The following ARFIP1 variants were observed in gnomAD, a reference collection of about 807,000 sequenced individuals.
The protein encoded by ARFIP1 is ARF interacting protein 1, also known as arfaptin-1.
In ARFIP1, 24 loss-of-function variants were observed where a neutral mutation model predicts 42.5. That is an observed-to-expected ratio of 0.57 (90% CI 0.41 to 0.80). The LOEUF (loss-of-function observed/expected upper bound fraction) is 0.80, where lower values mean the gene tolerates loss of function less well. Among genes scored for constraint, ARFIP1 ranks in the 30% least tolerant of loss-of-function variants. ARFIP1 has a pLI of 0.00. For missense variants in ARFIP1, 354 were observed against 434.0 expected (o/e 0.82, Z 1.64); for synonymous variants, 141 against 153.7 (o/e 0.92, Z 0.61).
chr4:152,821,008 C>T (rs191479750), intron 1 of ARFIP1, among the ~76,000 whole-genome samples: 6 of 151,996 alleles, frequency 3.9e-5, no homozygotes, highest in Admixed American at 3.9e-4. Flanking sequence ...AAAATAAATT[C>T]AAAAAATAGT....
At chr4:152,891,920 C>T (rs1204078342) in intron 8 of ARFIP1, among the ~76,000 whole-genome samples, 1 of 151,888 alleles carries the variant, frequency 6.6e-6, no homozygotes, top group Non-Finnish European at 1.5e-5. Flanking sequence ...GTTGGCCAGG[C>T]TGGTCTTGAA....
intron 2 of ARFIP1, among the ~76,000 whole-genome samples, chr4:152,845,934 A>C (rs1732500145): frequency 6.6e-6 from 1 of 152,200 alleles, no homozygotes; most frequent in East Asian, 1.9e-4. Context: ...AGAGTCATAC[A>C]ATCAATCTAG....
chr4:152,877,381 A>C (rs1735449913), intron 5 of ARFIP1, among the ~76,000 whole-genome samples: 1 of 152,090 alleles, frequency 6.6e-6, no homozygotes, highest in African/African-American at 2.4e-5. Context: ...TTTGGACTAC[A>C]TGGGCCCTAT....
At chr4:152,882,924 A>G (rs1211141853) in intron 7 of ARFIP1, 44 bp downstream of exon 7, 3 of 1,549,460 alleles carry the variant, frequency 1.9e-6, no homozygotes, top group East Asian at 2.3e-5. Context: ...TACAGATGGC[A>G]TATAATTCAG....
chr4:152,836,923 TG>T (rs1731694787), intron 2 of ARFIP1, among the ~76,000 whole-genome samples: 1 of 152,020 alleles, frequency 6.6e-6, no homozygotes, highest in Non-Finnish European at 1.5e-5. Flanking sequence ...TTTTATCCCT[TG>T]TCCCCCTCCC....
At chr4:152,799,211 A>G (rs1215341897) in intron 1 of ARFIP1, among the ~76,000 whole-genome samples, 1 of 127,444 alleles carries the variant, frequency 7.8e-6, no homozygotes, top group East Asian at 2.5e-4. Flanking sequence ...TGCCTGTTGT[A>G]ATGAATAGAT....
intron 2 of ARFIP1, among the ~76,000 whole-genome samples, chr4:152,848,522 T>C (rs1732737958): frequency 6.6e-6 from 1 of 152,248 alleles, no homozygotes; most frequent in Non-Finnish European, 1.5e-5. Context: ...TTTGTTGAGC[T>C]AAGTCGTTTC....
At chr4:152,817,634 A>G (rs1730004022) in intron 1 of ARFIP1, among the ~76,000 whole-genome samples, 1 of 152,256 alleles carries the variant, frequency 6.6e-6, no homozygotes, top group African/African-American at 2.4e-5. Context: ...ACTTCTGTGC[A>G]TCAAAGGACA....
rs545740586 is a variant in ARFIP1, at chr4:152,911,530, T to C, written c.*1311T>C. The C allele has an allele frequency of 1.8e-4, 27 of 152,712 alleles. No individual in the cohort carries two copies. Among genetic ancestry groups the C allele is most frequent in the African/African-American group, 6.5e-4 (27 of 41,584 alleles). 9.5% of individuals were successfully genotyped at this position (152,712 alleles called of 1,614,324 possible). ...TATCAGTAGTGTAATCCATTTTCAA[T>C]GTAAAGCTCTTTTAGTTTTTGTCAT... On this transcript the variant is annotated 3_prime_UTR_variant, in exon 9 of 9. Transcript: ENST00000353617.
chr4:152,879,431 A>C (rs1231820542), intron 5 of ARFIP1, among the ~76,000 whole-genome samples: 1 of 152,170 alleles, frequency 6.6e-6, no homozygotes. Flanking sequence ...GTAGTTTTCT[A>C]CTATTCAGTG....
intron 7 of ARFIP1, among the ~76,000 whole-genome samples, chr4:152,886,214 A>G (rs778899256): frequency 2.0e-5 from 3 of 151,942 alleles, no homozygotes; most frequent in Non-Finnish European, 4.4e-5. Flanking sequence ...CATTTATTCT[A>G]TCCTCCATCT....
chr4:152,887,727 C>A (rs888685340), intron 7 of ARFIP1, among the ~76,000 whole-genome samples: 6 of 152,028 alleles, frequency 3.9e-5, no homozygotes, highest in African/African-American at 1.4e-4. Context: ...TTTTCAGAAC[C>A]ATTTACACTT....
At chr4:152,782,568 A>G (rs1210772719) in intron 1 of ARFIP1, among the ~76,000 whole-genome samples, 3 of 152,056 alleles carry the variant, frequency 2.0e-5, no homozygotes, top group African/African-American at 7.2e-5. Flanking sequence ...TTTAAATTCT[A>G]GTTGTATTTT....
At chr4:152,804,065 TA>T (rs1728659122) in intron 1 of ARFIP1, among the ~76,000 whole-genome samples, 1 of 116,102 alleles carries the variant, frequency 8.6e-6, no homozygotes, top group African/African-American at 3.3e-5. Context: ...ATATAACATG[TA>T]ATATATATTA....
chr4:152,780,972 G>T (rs565884250), intron 1 of ARFIP1, among the ~76,000 whole-genome samples: 1 of 151,812 alleles, frequency 6.6e-6, no homozygotes, highest in Non-Finnish European at 1.5e-5. Flanking sequence ...AGATCCTTTG[G>T]CCACTCTTAG....
intron 1 of ARFIP1, among the ~76,000 whole-genome samples, chr4:152,823,666 A>G (rs1730569054): frequency 6.6e-6 from 1 of 151,274 alleles, no homozygotes; most frequent in East Asian, 2.0e-4. Context: ...AGTCCCAGCT[A>G]CTTGGGAGGC....
At chr4:152,839,223 G>A (rs1171620266) in intron 2 of ARFIP1, among the ~76,000 whole-genome samples, 2 of 152,056 alleles carry the variant, frequency 1.3e-5, no homozygotes, top group African/African-American at 2.4e-5. Context: ...GTTCATCAAG[G>A]TATCAGTCTG....
intron 1 of ARFIP1, among the ~76,000 whole-genome samples, chr4:152,815,415 C>T (rs1377944341): frequency 1.3e-5 from 2 of 152,196 alleles, no homozygotes; most frequent in African/African-American, 4.8e-5. Context: ...AGTGCATTTA[C>T]ACACTGATGT....
At chr4:152,848,234 A>G (rs1360444928) in intron 2 of ARFIP1, among the ~76,000 whole-genome samples, 1 of 152,238 alleles carries the variant, frequency 6.6e-6, no homozygotes, top group Non-Finnish European at 1.5e-5. Context: ...AGTGAGTGCA[A>G]GAGCGCTCTC....
Sources: allele counts gnomAD v4.1 joint callset (sites outside exome capture counted in the v4.1 genomes callset), GRCh38; gene constraint gnomAD v4.1.1; transcripts MANE v1.5; gene names NCBI Gene and HGNC (gene_info 2026-07-23, HGNC 2026-07-21).